PPIP5K2: variants seen among roughly 807,000 people sequenced by gnomAD.
PPIP5K2 encodes the protein inositol hexakisphosphate and diphosphoinositol-pentakisphosphate kinase 2.
In PPIP5K2, 105 loss-of-function variants were observed where a neutral mutation model predicts 154.6. The ratio of observed to expected loss-of-function variants is 0.68; its 90% CI spans 0.58 to 0.80. The LOEUF is 0.80. Ranked by LOEUF, PPIP5K2 falls within the 30% of genes least tolerant of loss-of-function variation. The pLI is 0.00. For synonymous variants in PPIP5K2, 480 were observed against 490.3 expected (o/e 0.98, Z 0.28); for missense variants, 992 against 1,504.6 (o/e 0.66, Z 5.64).
chr5:103,152,901 T>C (rs1794852406), intron 10 of PPIP5K2, 152 bp downstream of exon 10: 3 of 513,890 alleles, frequency 5.8e-6, no homozygotes, highest in Middle Eastern at 4.0e-4. Flanking sequence ...ATTATACGTA[T>C]TTATAAGGGT....
rs529180249 is a variant in PPIP5K2, at chr5:103,186,285, C to A, written c.3170-35C>A. 1.9e-6 allele frequency: 3 copies of A among 1,612,488 alleles called. No homozygotes were observed. The African/African-American group carries it at 4.0e-5, about 22-fold the overall frequency. Reference sequence around the variant, plus strand: ...AATTCCCAATGTGAATGGAAGAACACCCGTTGTGTATGTATTTTCTCTAAC... The same window carrying A: ...AATTCCCAATGTGAATGGAAGAACAACCGTTGTGTATGTATTTTCTCTAAC... On this transcript the variant is annotated intron_variant, in intron 26 of 30. Transcript: ENST00000358359.
intron 17 of PPIP5K2, among the ~76,000 whole-genome samples, chr5:103,163,997 T>C (rs1214659689): frequency 6.6e-6 from 1 of 152,028 alleles, no homozygotes; most frequent in Non-Finnish European, 1.5e-5. Flanking sequence ...TTGAGGAGAA[T>C]AGTATATGTA....
intron 28 of PPIP5K2, chr5:103,189,249 C>T: frequency 6.7e-7 from 1 of 1,490,494 alleles, no homozygotes; most frequent in Non-Finnish European, 9.0e-7. Context: ...AGCTTCTAAA[C>T]ATGTCAGCAG....
Position 103,195,030 on chromosome 5 carries a change from G to A in PPIP5K2, c.3619+5G>A. The A allele has an allele frequency of 2.5e-6, 4 of 1,608,118 alleles. No individual in the cohort carries two copies. The highest frequency in any genetic ancestry group is 3.4e-6 in the Non-Finnish European group (4 of 1,178,414). On this transcript the variant is annotated splice_donor_5th_base_variant and intron_variant, in intron 30 of 30. Transcript: ENST00000358359. ...CTAAAGCAAGCAGCAAACCAGGTAAGGGGTGTGTGTGTTGAGTTTGTGGAT... is the reference window on the plus strand; with the variant it reads ...CTAAAGCAAGCAGCAAACCAGGTAAAGGGTGTGTGTGTTGAGTTTGTGGAT...
intron 5 of PPIP5K2, among the ~76,000 whole-genome samples, chr5:103,144,943 A>G (rs1793489601): frequency 6.6e-6 from 1 of 152,184 alleles, no homozygotes; most frequent in Non-Finnish European, 1.5e-5. Context: ...ACTTCTGCAC[A>G]GCAAAGGAAA....
Position 103,177,693 on chromosome 5 carries a change from A to C in PPIP5K2, c.2556A>C (p.Arg852=), listed in dbSNP as rs782032202. 2.0e-5 allele frequency: 33 copies of C among 1,610,074 alleles called. No individual in the cohort carries two copies. In the South Asian group the frequency reaches 3.5e-4, roughly 17 times the overall value. The change falls in exon 22 of 31, where the codon CGA becomes CGC. Residue 852 remains arginine (R), a synonymous_variant. Transcript: ENST00000358359. The part of the protein sequence containing the change: ...CNESKDEQWK[R]AMDYLNVVNE... The stretch of plus-strand genomic sequence containing the variant: ...AATCAAAGGATGAACAGTGGAAACG[A>C]GCTATGGATTATTTAAACGTTGTCA...
At chr5:103,180,232 C>T in intron 24 of PPIP5K2, 44 bp downstream of exon 24, 1 of 1,417,730 alleles carries the variant, frequency 7.1e-7, no homozygotes, top group Non-Finnish European at 9.3e-7. Context: ...AGTAAACTAA[C>T]TATATTTTAA....
intron 1 of PPIP5K2, among the ~76,000 whole-genome samples, chr5:103,125,655 A>G (rs1554200483): frequency 6.6e-6 from 1 of 152,050 alleles, no homozygotes; most frequent in African/African-American, 2.4e-5. Flanking sequence ...TTTGTTTGAG[A>G]CAGAGTCTCA....
At chr5:103,168,837 T>G (rs974045250) in intron 19 of PPIP5K2, among the ~76,000 whole-genome samples, 5 of 151,772 alleles carry the variant, frequency 3.3e-5, no homozygotes, top group Non-Finnish European at 5.9e-5. Flanking sequence ...GAATTGATAC[T>G]CTTAGAGAAT....
rs544122017 is a variant in PPIP5K2, at chr5:103,120,359, C to A, written c.-414C>A. 8.8e-6 allele frequency: 4 copies of A among 455,132 alleles called. No homozygotes were observed. The highest frequency in any genetic ancestry group is 1.8e-5 in the Non-Finnish European group (4 of 225,878). The allele number at this position is 455,132 out of a possible 1,614,324, so 28.2% of individuals were successfully genotyped here. On this transcript the variant is annotated 5_prime_UTR_variant, in exon 1 of 31. Coordinates refer to ENST00000358359, the MANE Select transcript of PPIP5K2 (RefSeq NM_001276277.3). ...AGCTGTTACTGAAGGAAGTAGCCTA[C>A]GTCCACGCCTACAACTGAAGTCTCT...
chr5:103,120,433 C>G lies in PPIP5K2; in HGVS notation c.-340C>G. ...CCGGGATGAAAGGGGGTAACCTAGA[C>G]CTGAATGGGCTTGACCATCTCACAA... On this transcript the variant is annotated 5_prime_UTR_variant, in exon 1 of 31. Transcript: ENST00000358359. The G allele has an allele frequency of 2.2e-6, 1 of 456,764 alleles. No homozygotes were observed. The highest frequency in any genetic ancestry group is 1.5e-5 in the South Asian group (1 of 64,568). 28.3% of individuals were successfully genotyped at this position (456,764 alleles called of 1,614,324 possible).
chr5:103,132,795 C>G (rs368238832), intron 2 of PPIP5K2, among the ~76,000 whole-genome samples: 2 of 152,148 alleles, frequency 1.3e-5, no homozygotes, highest in African/African-American at 4.8e-5. Context: ...CTAGGAGCTA[C>G]TCATAAATCA....
In PPIP5K2 at chr5:103,190,930, TG is replaced by T; in HGVS notation, c.3442del (p.Ala1148LeufsTer27). On this transcript the variant is annotated frameshift_variant, in exon 29 of 31. Coordinates refer to ENST00000358359, the MANE Select transcript of PPIP5K2 (RefSeq NM_001276277.3). LOFTEE classifies it high-confidence loss of function. ...CTTTAAAGCAAGTGGATGAATTTCTTGCTTCCATTGCTTCTCCATCATCTGA... is the reference window on the plus strand; with the variant it reads ...CTTTAAAGCAAGTGGATGAATTTCTTCTTCCATTGCTTCTCCATCATCTGA... ...LSLKQVDEFL[A>X]SIASPSSDVP... 1 of 1,610,784 alleles carries T rather than the reference TG, an allele frequency of 6.2e-7. No homozygotes were observed. Among genetic ancestry groups the T allele is most frequent in the South Asian group, 1.1e-5 (1 of 90,546 alleles).
intron 1 of PPIP5K2, among the ~76,000 whole-genome samples, chr5:103,127,554 T>C (rs1404451517): frequency 3.3e-5 from 5 of 152,208 alleles, no homozygotes; most frequent in Admixed American, 2.6e-4. Flanking sequence ...AATTCATTCT[T>C]TTAGATTTAC....
At position 103,207,907 on chromosome 5, in the gene PPIP5K2, T is replaced by C. The variant is rs1219472009; in HGVS notation, c.*6273T>C. 6.6e-6 allele frequency: 1 copy of C among 152,112 alleles called. No homozygotes were observed. Among genetic ancestry groups the C allele is most frequent in the Non-Finnish European group, 1.5e-5 (1 of 68,026 alleles). The allele number at this position is 152,112 out of a possible 1,614,324, so 9.4% of individuals were successfully genotyped here. A position where few individuals can be genotyped will look rare whatever the true frequency, so the allele number is the denominator to read the frequency against. ...TTTCTGCTTGTTCCATTTCTCCTTT[T>C]CTTGAAGTGTTTGTGCATGAACACT... On this transcript the variant is annotated 3_prime_UTR_variant, in exon 31 of 31. Coordinates refer to ENST00000358359, the MANE Select transcript of PPIP5K2 (RefSeq NM_001276277.3).
In PPIP5K2 at chr5:103,173,931, C is replaced by T. The variant is rs1798338654; in HGVS notation, c.2488C>T (p.His830Tyr). The T allele has an allele frequency of 6.2e-7, 1 of 1,608,498 alleles. No homozygotes were observed. Among genetic ancestry groups the T allele is most frequent in the Non-Finnish European group, 8.5e-7 (1 of 1,175,934 alleles). Residue 830 changes from histidine to tyrosine, a missense_variant, in exon 21 of 31, where the codon CAT becomes TAT. His to Tyr is a moderately conservative substitution (Grantham distance 83). Coordinates refer to ENST00000358359, the MANE Select transcript of PPIP5K2 (RefSeq NM_001276277.3). ...ATATTTTACCAGTGAAAGTCATGTA[C>T]ATTCTTTGCTGTCTATTCTTCGCTA... ...RLYFTSESHV[H>Y]SLLSILRYGA...
In PPIP5K2 at chr5:103,191,970, T is replaced by C. The variant is rs1477807355; in HGVS notation, c.3493+988T>C. Among the ~76,000 whole-genome samples, 4 of 152,258 alleles carry C rather than the reference T, an allele frequency of 2.6e-5. No homozygotes were observed. In the South Asian group the frequency reaches 6.2e-4, roughly 24 times the overall value. ...AAATGAGATATTAGAGCTCTCGGAA[T>C]GAATGCCACTTTTATGTCTGACTGT... On this transcript the variant is annotated intron_variant, in intron 29 of 30. Coordinates refer to ENST00000358359, the MANE Select transcript of PPIP5K2 (RefSeq NM_001276277.3).
At chr5:103,184,590 T>C (rs1201780549) in intron 25 of PPIP5K2, 82 bp from the exon 26 acceptor site, 31 of 1,021,380 alleles carry the variant, frequency 3.0e-5, no homozygotes, top group Non-Finnish European at 4.5e-5. Flanking sequence ...CCTTTGTCTG[T>C]CTGGAACAGG....
At chr5:103,199,972 C>A (rs1802721137) in intron 30 of PPIP5K2, among the ~76,000 whole-genome samples, 1 of 152,238 alleles carries the variant, frequency 6.6e-6, no homozygotes, top group South Asian at 2.1e-4. Flanking sequence ...AGATGTTTTT[C>A]TGTTTCTTAG....
Sources: allele counts gnomAD v4.1 joint callset (sites outside exome capture counted in the v4.1 genomes callset), GRCh38; gene constraint gnomAD v4.1.1; transcripts MANE v1.5; gene names NCBI Gene and HGNC (gene_info 2026-07-23, HGNC 2026-07-21).